The following PHF20 variants were observed in gnomAD, a reference collection of about 807,000 sequenced individuals.
PHF20 encodes glioma-expressed antigen 2.
PHF20 carries 23 observed loss-of-function variants against 113.5 expected under a neutral mutation model. The ratio of observed to expected loss-of-function variants is 0.20; its 90% CI spans 0.15 to 0.29. The LOEUF (loss-of-function observed/expected upper bound fraction) is 0.29. PHF20 is among the 10% of genes least tolerant of loss of function. The pLI is 1.00. For synonymous variants in PHF20, 434 were observed against 457.3 expected, an observed-to-expected ratio of 0.95 and a Z score of 0.65; for missense variants, 943 against 1,219.6, an observed-to-expected ratio of 0.77 and a Z score of 3.38.
chr20:35,849,357 C>G, intron 4 of PHF20: 1 of 454,020 alleles, frequency 2.2e-6, no homozygotes, highest in Non-Finnish European at 4.5e-6. Context: ...AGATCTAATA[C>G]CTGCAGAGCC....
At chr20:35,855,237 C>T in intron 4 of PHF20, 1 of 1,328,968 alleles carries the variant, frequency 7.5e-7, no homozygotes, top group South Asian at 1.2e-5. Context: ...AACTGCTTTG[C>T]TTGCCAACAC....
At chr20:35,841,299 C>T (rs1026211602) in intron 2 of PHF20, among the ~76,000 whole-genome samples, 3 of 151,980 alleles carry the variant, frequency 2.0e-5, no homozygotes, top group Admixed American at 6.6e-5. Flanking sequence ...GCCGAGATCA[C>T]GCCACTGTAC....
intron 13 of PHF20, among the ~76,000 whole-genome samples, chr20:35,923,686 T>C (rs867569448): frequency 1.2e-4 from 18 of 152,168 alleles, no homozygotes; most frequent in African/African-American, 4.1e-4. Context: ...CAATAGCAAA[T>C]GTATTGTTTC....
At chr20:35,928,990 C>A (rs544923974) in intron 14 of PHF20, among the ~76,000 whole-genome samples, 18 of 152,282 alleles carry the variant, frequency 1.2e-4, no homozygotes, top group African/African-American at 4.1e-4. Context: ...AGTTCATTGT[C>A]TTGGTTTCCA....
At chr20:35,867,308 G>C (rs1378938115) in intron 6 of PHF20, among the ~76,000 whole-genome samples, 2 of 152,090 alleles carry the variant, frequency 1.3e-5, no homozygotes, top group Non-Finnish European at 2.9e-5. Context: ...CTCCCAGGCT[G>C]GAGTGCAGTG....
At chr20:35,792,014 C>G (rs1361463401) in intron 1 of PHF20, among the ~76,000 whole-genome samples, 1 of 152,164 alleles carries the variant, frequency 6.6e-6, no homozygotes, top group African/African-American at 2.4e-5. Context: ...TCCACTGCTT[C>G]TGGGAAAATC....
At chr20:35,943,290 GATC>G (rs2056022433) in intron 17 of PHF20, among the ~76,000 whole-genome samples, 1 of 151,922 alleles carries the variant, frequency 6.6e-6, no homozygotes, top group African/African-American at 2.4e-5. Context: ...AGTGAGCTGA[GATC>G]ATATCACTGC....
chr20:35,893,658 A>G (rs1206754335), intron 9 of PHF20, among the ~76,000 whole-genome samples: 1 of 151,342 alleles, frequency 6.6e-6, no homozygotes, highest in Non-Finnish European at 1.5e-5. Flanking sequence ...CTTGTTGCCC[A>G]GGCTGCAGTG....
chr20:35,933,238 T>TG (rs2055797171), intron 15 of PHF20, among the ~76,000 whole-genome samples: 1 of 151,706 alleles, frequency 6.6e-6, no homozygotes, highest in African/African-American at 2.4e-5. Flanking sequence ...CTCATTCTTT[T>TG]TTTTTTTTTT....
intron 10 of PHF20, 49 bp from the exon 11 acceptor site, chr20:35,913,200 A>G (rs1402067244): frequency 7.7e-7 from 1 of 1,298,092 alleles, no homozygotes; most frequent in Non-Finnish European, 1.1e-6. Context: ...TAAGCACCCC[A>G]GCATTGAAAA....
intron 4 of PHF20, chr20:35,855,198 GT>G: frequency 8.2e-7 from 1 of 1,215,492 alleles, no homozygotes; most frequent in Non-Finnish European, 1.1e-6. Context: ...AGAGGGTTCT[GT>G]TTAGAATTCC....
At chr20:35,820,062 T>C (rs963491376) in intron 2 of PHF20, among the ~76,000 whole-genome samples, 5 of 152,144 alleles carry the variant, frequency 3.3e-5, no homozygotes, top group African/African-American at 1.2e-4. Flanking sequence ...GAATTTAGGA[T>C]TTGAGTCTAG....
chr20:35,863,214 GT>G lies in PHF20; in HGVS notation c.623del (p.Val208GlyfsTer39). On this transcript the variant is annotated frameshift_variant, in exon 6 of 18. Transcript: ENST00000374012. LOFTEE classifies it high-confidence loss of function. ...GKLICSEKGK[V>X]SEKSLPKNEK... ...GTTAATCTGTTCTGAAAAGGGGAAA[GT>G]GTCAGAGAAAAGTCTTCCCAAGAAC... 1 of 1,614,004 alleles carries G rather than the reference GT, an allele frequency of 6.2e-7. No homozygotes were observed. The highest frequency in any genetic ancestry group is 1.1e-5 in the South Asian group (1 of 91,060).
rs979600747 is a variant in PHF20 at position 35,949,091 on chromosome 20, T to C, written c.*1464T>C. ...TTCTGTCTAGTGATTTGCTCACCAT[T>C]TGATATATAATGAATTATAGGACAA... On this transcript the variant is annotated 3_prime_UTR_variant, in exon 18 of 18. Coordinates refer to ENST00000374012, the MANE Select transcript of PHF20 (RefSeq NM_016436.5). 1 of 152,676 alleles carries C rather than the reference T, an allele frequency of 6.5e-6. No individual in the cohort carries two copies. Among genetic ancestry groups the C allele is most frequent in the Admixed American group, 6.5e-5 (1 of 15,290 alleles). 9.5% of individuals were successfully genotyped at this position (152,676 alleles called of 1,614,324 possible). A position where few individuals can be genotyped will look rare whatever the true frequency, so the allele number is the denominator to read the frequency against.
chr20:35,947,397 T>G, intron 17 of PHF20, 88 bp from the exon 18 acceptor site: 2 of 1,411,816 alleles, frequency 1.4e-6, no homozygotes, highest in Non-Finnish European at 2.0e-6. Context: ...CCATGTCTGA[T>G]GGAATAAGGT....
chr20:35,819,589 G>A (rs892502504), intron 2 of PHF20, among the ~76,000 whole-genome samples: 1 of 151,816 alleles, frequency 6.6e-6, no homozygotes, highest in Non-Finnish European at 1.5e-5. Context: ...TTTCATTAGG[G>A]TTATTTGTAC....
chr20:35,888,654 C>T lies in PHF20; in HGVS notation c.1283-10716C>T, dbSNP rs925563246. ...ATATTTTCTTCTGGGCATGGTGGCT[C>T]ATGCCTGTAATCCCAGCACTCTGGG... On this transcript the variant is annotated intron_variant, in intron 9 of 17. Transcript: ENST00000374012. Among the ~76,000 whole-genome samples, 4 of 152,118 alleles carry T rather than the reference C, an allele frequency of 2.6e-5. No individual in the cohort carries two copies. In the East Asian group the frequency reaches 7.7e-4, roughly 29 times the overall value.
chr20:35,834,704 G>A (rs1014075153), intron 2 of PHF20, among the ~76,000 whole-genome samples: 5 of 152,028 alleles, frequency 3.3e-5, no homozygotes, highest in African/African-American at 9.7e-5. Flanking sequence ...CATCTATTCT[G>A]TGTCTCCAGG....
chr20:35,939,677 C>T (rs1600972516), intron 16 of PHF20, among the ~76,000 whole-genome samples: 1 of 152,186 alleles, frequency 6.6e-6, no homozygotes, highest in African/African-American at 2.4e-5. Flanking sequence ...TGTATCACCT[C>T]GTTGCCGGTG....
Sources: gnomAD v4.1 joint callset for allele counts (sites outside exome capture counted in the v4.1 genomes callset) on GRCh38, gnomAD v4.1.1 for gene constraint, MANE v1.5 for transcripts, NCBI Gene and HGNC (gene_info 2026-07-23, HGNC 2026-07-21) for gene names.